Variants in PCNX2 observed in about 807,000 individuals in gnomAD.
PCNX2 encodes the protein pecanex 2.
Under a neutral mutation model 223.8 loss-of-function variants are expected in PCNX2, and 168 were observed. The ratio of observed to expected loss-of-function variants is 0.75; its 90% CI spans 0.66 to 0.85. The LOEUF (loss-of-function observed/expected upper bound fraction) is 0.85. Among genes scored for constraint, PCNX2 ranks in the 40% least tolerant of loss-of-function variants. PCNX2 has a pLI of 0.00. For synonymous variants in PCNX2, 1,006 were observed against 1,052.6 expected (o/e 0.96, Z 0.86); for missense variants, 2,507 against 2,675.5 (o/e 0.94, Z 1.39).
intron 23 of PCNX2, among the ~76,000 whole-genome samples, chr1:233,071,364 T>C (rs1672847497): frequency 6.6e-6 from 1 of 152,176 alleles, no homozygotes; most frequent in African/African-American, 2.4e-5. Flanking sequence ...CCCGTGTCCA[T>C]GTGGTCTCAT....
chr1:233,284,046 A>T lies in PCNX2; in HGVS notation c.153+11280T>A, dbSNP rs1051778258. 5.3e-5 allele frequency among the ~76,000 whole-genome samples: 8 copies of T among 152,296 alleles called. No individual in the cohort carries two copies. The East Asian group carries it at 1.5e-3, about 29-fold the overall frequency. On this transcript the variant is annotated intron_variant, in intron 1 of 33. Transcript: ENST00000258229. ...ACTGACACAGAGGCTTAGATAACTC[A>T]TTTTAGAATAAGAACAATCAAGATA... is the stretch of plus-strand genomic sequence containing the variant.
chr1:233,284,991 T>C (rs1661374865), intron 1 of PCNX2: 4 of 985,218 alleles, frequency 4.1e-6, no homozygotes, highest in East Asian at 1.1e-4. Context: ...TAACTACCTA[T>C]AATGAGCAGG....
intron 28 of PCNX2, among the ~76,000 whole-genome samples, chr1:233,002,514 A>T (rs1170413251): frequency 1.3e-5 from 2 of 152,370 alleles, no homozygotes; most frequent in South Asian, 2.1e-4. Flanking sequence ...AGAGGACACA[A>T]ACAAATGGAA....
chr1:233,236,145 G>T lies in PCNX2; in HGVS notation c.2358+700C>A, dbSNP rs371504435. ...ACCAATGGAAACCAATCTTTCTTCAGGGCCTAACCGAAGTATTTCTTCTTC... is the reference window on the plus strand; with the variant it reads ...ACCAATGGAAACCAATCTTTCTTCATGGCCTAACCGAAGTATTTCTTCTTC... On this transcript the variant is annotated intron_variant, in intron 9 of 33. Transcript: ENST00000258229. Among the ~76,000 whole-genome samples the T allele has an allele frequency of 2.6e-5, 4 of 151,530 alleles. No individual in the cohort carries two copies. In the East Asian group the frequency reaches 5.8e-4, roughly 22 times the overall value.
At chr1:233,021,772 C>T (rs1006711110) in intron 26 of PCNX2, among the ~76,000 whole-genome samples, 4 of 152,200 alleles carry the variant, frequency 2.6e-5, no homozygotes, top group African/African-American at 4.8e-5. Flanking sequence ...AGCTATTACC[C>T]GGCAGGTTCT....
intron 21 of PCNX2, among the ~76,000 whole-genome samples, chr1:233,133,648 G>A (rs1206894053): frequency 1.3e-5 from 2 of 152,136 alleles, no homozygotes; most frequent in African/African-American, 2.4e-5. Flanking sequence ...TTGAGGCCAG[G>A]GGTTGGAGAC....
intron 25 of PCNX2, among the ~76,000 whole-genome samples, chr1:233,045,231 A>C (rs1671785437): frequency 6.6e-6 from 1 of 152,214 alleles, no homozygotes; most frequent in South Asian, 2.1e-4. Flanking sequence ...GGACAGCAGA[A>C]TGTACAAGGA....
intron 16 of PCNX2, among the ~76,000 whole-genome samples, chr1:233,178,180 C>G (rs1483302269): frequency 6.6e-6 from 1 of 152,190 alleles, no homozygotes; most frequent in Admixed American, 6.5e-5. Flanking sequence ...TGCTAGCCCA[C>G]TAGGGCTTCA....
chr1:233,167,364 A>G (rs1050156430), intron 17 of PCNX2, among the ~76,000 whole-genome samples: 1 of 151,948 alleles, frequency 6.6e-6, no homozygotes, highest in Non-Finnish European at 1.5e-5. Context: ...GAGAGAGTCA[A>G]ACATACAGAG....
At chr1:233,279,321 T>C (rs1209346271) in intron 1 of PCNX2, among the ~76,000 whole-genome samples, 1 of 151,976 alleles carries the variant, frequency 6.6e-6, no homozygotes, top group Non-Finnish European at 1.5e-5. Context: ...CGGGCTCAAG[T>C]GATCCACCTC....
At chr1:233,080,173 C>T (rs1055393214) in intron 23 of PCNX2, among the ~76,000 whole-genome samples, 2 of 152,136 alleles carry the variant, frequency 1.3e-5, no homozygotes, top group Non-Finnish European at 2.9e-5. Flanking sequence ...TCCAGTACCT[C>T]AGTCCATCTT....
chr1:233,217,429 G>A (rs1450200064), intron 12 of PCNX2, among the ~76,000 whole-genome samples: 1 of 152,060 alleles, frequency 6.6e-6, no homozygotes. Flanking sequence ...CTATGTGTCA[G>A]GTACTGTTAT....
intron 23 of PCNX2, among the ~76,000 whole-genome samples, chr1:233,075,739 A>ACAC (rs1553282226): frequency 6.7e-6 from 1 of 149,436 alleles, no homozygotes; most frequent in South Asian, 2.1e-4. Context: ...ACACACACAC[A>ACAC]ACAGAAAAGA....
chr1:233,004,623 G>A (rs1670214380), intron 28 of PCNX2, among the ~76,000 whole-genome samples: 1 of 152,222 alleles, frequency 6.6e-6, no homozygotes, highest in Non-Finnish European at 1.5e-5. Flanking sequence ...GCATGTGTGT[G>A]AAGGGAGTCT....
At chr1:233,229,119 G>C (rs146289519) in intron 9 of PCNX2, among the ~76,000 whole-genome samples, 1,989 of 152,288 alleles carry the variant, frequency 0.013, 51 homozygotes, top group African/African-American at 0.045. Context: ...TGATGTCAAA[G>C]TGCCTGGCAT....
chr1:233,143,490 C>T (rs1677245831), intron 19 of PCNX2, among the ~76,000 whole-genome samples: 1 of 152,202 alleles, frequency 6.6e-6, no homozygotes, highest in South Asian at 2.1e-4. Flanking sequence ...CCAGCATCCC[C>T]TAGGAATTTG....
chr1:233,291,856 C>T, intron 1 of PCNX2: 1 of 985,004 alleles, frequency 1.0e-6, no homozygotes, highest in Non-Finnish European at 1.2e-6. Context: ...AGGTTGGGAA[C>T]TGTGTATTTG....
chr1:233,322,237 G>A, the PCNX2 span, among the ~76,000 whole-genome samples: 2 of 152,042 alleles, frequency 1.3e-5, no homozygotes, highest in South Asian at 2.1e-4. Flanking sequence ...TTTGCCACCC[G>A]ATTTCTGTCT....
chr1:233,208,847 A>AAAAC (rs1681656288), intron 12 of PCNX2, among the ~76,000 whole-genome samples, 158 bp from the exon 13 acceptor site: 1 of 150,174 alleles, frequency 6.7e-6, no homozygotes. Context: ...AAAAAAAAAA[A>AAAAC]AAAACAGGAA....
Sources: allele counts gnomAD v4.1 joint callset (sites outside exome capture counted in the v4.1 genomes callset), GRCh38; gene constraint gnomAD v4.1.1; transcripts MANE v1.5; gene names NCBI Gene and HGNC (gene_info 2026-07-23, HGNC 2026-07-21).